DMD: variants seen among roughly 807,000 people sequenced by gnomAD.
DMD encodes the protein dystrophin.
Under a neutral mutation model 330.1 loss-of-function variants are expected in DMD, and 63 were observed. That is an observed-to-expected ratio of 0.19 (90% CI 0.16 to 0.24). The LOEUF (loss-of-function observed/expected upper bound fraction) is 0.24, where lower values mean the gene tolerates loss of function less well. Among genes scored for constraint, DMD ranks in the 10% least tolerant of loss-of-function variants. DMD has a pLI of 1.00. For missense variants in DMD, 3,344 were observed against 2,684.1 expected (o/e 1.25, Z -5.43); for synonymous variants, 1,223 against 959.8 (o/e 1.27, Z -5.07).
chrX:31,602,550 C>T (rs1264480113), intron 55 of DMD, among the ~76,000 whole-genome samples: 1 of 110,987 alleles, frequency 9.0e-6, no homozygotes, highest in East Asian at 2.8e-4. Flanking sequence ...ATGACTGTCA[C>T]ATGGAAGAGC....
At chrX:31,207,726 G>C (rs1316319835) in intron 65 of DMD, among the ~76,000 whole-genome samples, 1 of 111,767 alleles carries the variant, frequency 8.9e-6, no homozygotes, top group Non-Finnish European at 1.9e-5. Context: ...GAGGGTGGAG[G>C]GTGGAAGGAG....
intron 1 of DMD, among the ~76,000 whole-genome samples, chrX:33,319,277 C>T (rs1436010574): frequency 2.7e-5 from 3 of 110,343 alleles, no homozygotes; most frequent in African/African-American, 9.9e-5. Context: ...TTATAGAAGC[C>T]CAAATGGATG....
At chrX:32,126,399 G>A (rs1022748136) in intron 44 of DMD, among the ~76,000 whole-genome samples, 2 of 111,757 alleles carry the variant, frequency 1.8e-5, no homozygotes, top group Admixed American at 9.5e-5. Flanking sequence ...CTATTTTCAC[G>A]ACACAAACAC....
At chrX:32,687,824 C>G (rs1267869966) in intron 9 of DMD, among the ~76,000 whole-genome samples, 1 of 110,973 alleles carries the variant, frequency 9.0e-6, no homozygotes, top group African/African-American at 3.3e-5. Flanking sequence ...TACTGGTGAA[C>G]AAGGTAAGCA....
intron 16 of DMD, among the ~76,000 whole-genome samples, chrX:32,556,188 A>G (rs2050279995): frequency 8.9e-6 from 1 of 112,484 alleles, no homozygotes; most frequent in Non-Finnish European, 1.9e-5. Context: ...GAAGACATAC[A>G]TGTGACCTAA....
At chrX:32,135,080 ACTGT>A (rs1474281705) in intron 44 of DMD, among the ~76,000 whole-genome samples, 1 of 112,204 alleles carries the variant, frequency 8.9e-6, no homozygotes, top group Non-Finnish European at 1.9e-5. Context: ...TATTGCCTAG[ACTGT>A]CTAAATCTGA....
chrX:31,560,841 G>T (rs190890198), intron 55 of DMD, among the ~76,000 whole-genome samples: 1 of 112,083 alleles, frequency 8.9e-6, no homozygotes, highest in African/African-American at 3.2e-5. Flanking sequence ...TTTATTGCAA[G>T]AATACAGTAT....
intron 43 of DMD, among the ~76,000 whole-genome samples, chrX:32,230,593 AT>A (rs1361351646): frequency 9.0e-6 from 1 of 111,674 alleles, no homozygotes; most frequent in Non-Finnish European, 1.9e-5. Flanking sequence ...TAGTATGAAG[AT>A]TTTTTTTGAA....
chrX:32,878,710 G>A (rs1221875525), intron 2 of DMD, among the ~76,000 whole-genome samples: 2 of 110,642 alleles, frequency 1.8e-5, no homozygotes, highest in East Asian at 5.7e-4. Flanking sequence ...GGTAGGGCAG[G>A]ATAAATCGTA....
chrX:32,879,398 C>A (rs1424461073), intron 2 of DMD, among the ~76,000 whole-genome samples: 1 of 111,723 alleles, frequency 9.0e-6, no homozygotes, highest in Non-Finnish European at 1.9e-5. Context: ...TTTGCCCTTG[C>A]CAAAAGGTTA....
chrX:32,685,981 T>A (rs1167021866), intron 9 of DMD, among the ~76,000 whole-genome samples: 2 of 111,705 alleles, frequency 1.8e-5, no homozygotes, highest in Non-Finnish European at 3.8e-5. Context: ...TATTTTTCTT[T>A]ACATTGACAT....
chrX:32,891,352 T>C (rs1265520864), intron 2 of DMD, among the ~76,000 whole-genome samples: 3 of 112,374 alleles, frequency 2.7e-5, no homozygotes, highest in Non-Finnish European at 5.6e-5. Flanking sequence ...AAGTGGATCA[T>C]ATAAATTAAG....
At chrX:32,631,094 G>A (rs1018398594) in intron 11 of DMD, among the ~76,000 whole-genome samples, 3 of 111,944 alleles carry the variant, frequency 2.7e-5, no homozygotes, top group South Asian at 3.8e-4. Context: ...ACTGTTAAAC[G>A]TACTGCCTTG....
chrX:31,915,930 A>G (rs2036951754), intron 47 of DMD, among the ~76,000 whole-genome samples: 1 of 111,994 alleles, frequency 8.9e-6, no homozygotes, highest in Non-Finnish European at 1.9e-5. Flanking sequence ...AGTTGCTACC[A>G]TCAGGAGTTG....
chrX:32,207,999 G>A (rs1226392610), intron 44 of DMD, among the ~76,000 whole-genome samples: 1 of 111,772 alleles, frequency 8.9e-6, no homozygotes. Context: ...TGTTAACTAG[G>A]ATTTACAATA....
chrX:31,245,423 G>A (rs780920474), intron 63 of DMD, among the ~76,000 whole-genome samples: 1 of 111,859 alleles, frequency 8.9e-6, no homozygotes, highest in Non-Finnish European at 1.9e-5. Context: ...AGGCTACCAT[G>A]CACCAGGCAC....
Position 32,123,242 on chromosome X carries a change from TAA to T in DMD, c.6438+93672_6438+93673del, listed in dbSNP as rs1557152493. 2.2e-3 allele frequency among the ~76,000 whole-genome samples: 180 copies of T among 80,950 alleles called. 5 individuals carry two copies. The highest frequency in any genetic ancestry group is 7.9e-3 in the African/African-American group (174 of 22,050). 70.3% of individuals were successfully genotyped at this position (80,950 alleles called of 115,157 possible). Reference sequence around the variant, plus strand: ...ATATATATATATATATATATATATATAAATGATCAAAATTGATGCTAATGAAA... The same window carrying T: ...ATATATATATATATATATATATATATATGATCAAAATTGATGCTAATGAAA... On this transcript the variant is annotated intron_variant, in intron 44 of 78. Coordinates refer to ENST00000357033, the MANE Select transcript of DMD (RefSeq NM_004006.3).
chrX:32,046,980 CAT>C (rs1400264931), intron 44 of DMD, among the ~76,000 whole-genome samples: 2 of 111,434 alleles, frequency 1.8e-5, no homozygotes, highest in Non-Finnish European at 3.8e-5. Flanking sequence ...AGTCATAAGA[CAT>C]AGTGCCTAGT....
chrX:33,003,448 C>A (rs942073744), intron 2 of DMD, among the ~76,000 whole-genome samples: 1 of 111,189 alleles, frequency 9.0e-6, no homozygotes, highest in South Asian at 3.7e-4. Flanking sequence ...TAAGTTAGTG[C>A]TATTATTTTA....
Sources: allele counts gnomAD v4.1 joint callset (sites outside exome capture counted in the v4.1 genomes callset), GRCh38; gene constraint gnomAD v4.1.1; transcripts MANE v1.5; gene names NCBI Gene and HGNC (gene_info 2026-07-23, HGNC 2026-07-21).